Variants in KLHL22 observed in about 807,000 individuals in gnomAD.
KLHL22 encodes kelch-like protein 22.
KLHL22 carries 18 observed loss-of-function variants against 60.7 expected under a neutral mutation model. That is an observed-to-expected ratio of 0.30 (90% CI 0.20 to 0.44). The LOEUF is 0.44. Ranked by LOEUF, KLHL22 falls within the 20% of genes least tolerant of loss-of-function variation. The pLI, the probability that KLHL22 is intolerant of heterozygous loss-of-function variation, is 1.00. For synonymous variants in KLHL22, 355 were observed against 354.5 expected, an observed-to-expected ratio of 1.00 and a Z score of -0.01; for missense variants, 596 against 852.3, an observed-to-expected ratio of 0.70 and a Z score of 3.74.
chr22:20,446,221 C>A (rs538100776), intron 6 of KLHL22, among the ~76,000 whole-genome samples: 1 of 152,110 alleles, frequency 6.6e-6, no homozygotes, highest in East Asian at 1.9e-4. Flanking sequence ...ACACATCCAC[C>A]CCTCTGGAGC....
intron 4 of KLHL22, among the ~76,000 whole-genome samples, chr22:20,463,958 C>A (rs1176576220): frequency 2.0e-5 from 3 of 152,182 alleles, no homozygotes; most frequent in Non-Finnish European, 2.9e-5. Flanking sequence ...CAGTCAGCAT[C>A]TAGCTCATGG....
intron 5 of KLHL22, among the ~76,000 whole-genome samples, chr22:20,452,851 A>G (rs2053001365): frequency 6.6e-6 from 1 of 152,210 alleles, no homozygotes; most frequent in Non-Finnish European, 1.5e-5. Context: ...TTACTGCCCC[A>G]TTCTTTTAGA....
chr22:20,447,056 C>A (rs2146169306), intron 5 of KLHL22, among the ~76,000 whole-genome samples: 1 of 152,342 alleles, frequency 6.6e-6, no homozygotes, highest in East Asian at 1.9e-4. Flanking sequence ...CTCCACCCCT[C>A]CCCCACTCCC....
chr22:20,463,072 G>A (rs2053180500), intron 4 of KLHL22, among the ~76,000 whole-genome samples: 1 of 152,144 alleles, frequency 6.6e-6, no homozygotes, highest in Admixed American at 6.5e-5. Flanking sequence ...TTCAAATTAA[G>A]GATTCATCTG....
At chr22:20,494,932 G>T (rs2053746203) in intron 1 of KLHL22, among the ~76,000 whole-genome samples, 1 of 152,332 alleles carries the variant, frequency 6.6e-6, no homozygotes, top group African/African-American at 2.4e-5. Context: ...TCCCCTCAAA[G>T]AAACTCAATC....
chr22:20,475,556 T>C (rs930058649), intron 2 of KLHL22, among the ~76,000 whole-genome samples: 13 of 152,150 alleles, frequency 8.5e-5, no homozygotes, highest in African/African-American at 2.9e-4. Context: ...TCTTCCCTCC[T>C]TCCTCTAATT....
intron 2 of KLHL22, among the ~76,000 whole-genome samples, chr22:20,484,731 CTTT>C (rs10712145): frequency 1.2e-4 from 16 of 137,828 alleles, no homozygotes; most frequent in Admixed American, 1.5e-4. Flanking sequence ...TGTGCTCAGC[CTTT>C]TTTTTTTTTT....
chr22:20,494,778 T>C (rs2053743763), intron 1 of KLHL22, among the ~76,000 whole-genome samples: 1 of 152,184 alleles, frequency 6.6e-6, no homozygotes, highest in South Asian at 2.1e-4. Context: ...ATGTGCCACA[T>C]AGCTACAAAC....
At chr22:20,449,081 G>A (rs765494180) in intron 5 of KLHL22, among the ~76,000 whole-genome samples, 3 of 151,124 alleles carry the variant, frequency 2.0e-5, no homozygotes, top group Non-Finnish European at 4.4e-5. Flanking sequence ...TTTTTTTTGA[G>A]ACAGAGTCTT....
intron 2 of KLHL22, among the ~76,000 whole-genome samples, chr22:20,471,946 C>T (rs1032826446): frequency 6.6e-6 from 1 of 152,176 alleles, no homozygotes; most frequent in African/African-American, 2.4e-5. Context: ...TGCCAAGTAT[C>T]ATTCAAAGAG....
chr22:20,471,220 C>T (rs1220701298), intron 3 of KLHL22, 130 bp downstream of exon 3: 25 of 830,612 alleles, frequency 3.0e-5, no homozygotes, highest in Non-Finnish European at 3.9e-5. Context: ...TCATGGCCTT[C>T]GTCACTGCTT....
At chr22:20,486,838 C>T (rs553980431) in intron 2 of KLHL22, among the ~76,000 whole-genome samples, 7 of 152,114 alleles carry the variant, frequency 4.6e-5, no homozygotes, top group South Asian at 2.1e-4. Flanking sequence ...TGTGCTACCA[C>T]GCCCAGCTAA....
chr22:20,479,587 G>T (rs561436740), intron 2 of KLHL22, among the ~76,000 whole-genome samples: 2 of 151,678 alleles, frequency 1.3e-5, no homozygotes, highest in Admixed American at 6.6e-5. Flanking sequence ...CATGCCTATA[G>T]TCCCAGCTAC....
chr22:20,445,790 G>T (rs998975742), intron 6 of KLHL22, among the ~76,000 whole-genome samples: 2 of 151,918 alleles, frequency 1.3e-5, no homozygotes, highest in African/African-American at 4.8e-5. Flanking sequence ...TTGAGACAAG[G>T]CCTGGCTCTG....
At chr22:20,448,434 T>C (rs1424141262) in intron 5 of KLHL22, among the ~76,000 whole-genome samples, 2 of 152,260 alleles carry the variant, frequency 1.3e-5, no homozygotes, top group African/African-American at 2.4e-5. Context: ...TGGTTCCTTT[T>C]CTATTGCTCA....
intron 2 of KLHL22, among the ~76,000 whole-genome samples, chr22:20,472,078 C>T (rs530689881): frequency 6.6e-6 from 1 of 151,782 alleles, no homozygotes; most frequent in Non-Finnish European, 1.5e-5. Flanking sequence ...GAAACCGCGT[C>T]TCTACTAAAA....
intron 3 of KLHL22, among the ~76,000 whole-genome samples, chr22:20,469,694 C>T (rs1179991103): frequency 6.6e-6 from 1 of 152,098 alleles, no homozygotes; most frequent in Non-Finnish European, 1.5e-5. Context: ...GAGAACAGGG[C>T]ACAGGGAGGC....
At chr22:20,483,812 C>T (rs768415317) in intron 2 of KLHL22, 4 of 742,708 alleles carry the variant, frequency 5.4e-6, no homozygotes, top group Middle Eastern at 3.0e-4. Context: ...CCAGGCTCCT[C>T]GCTCTGTCCA....
At chr22:20,483,838 G>T in intron 2 of KLHL22, 1 of 732,532 alleles carries the variant, frequency 1.4e-6, no homozygotes, top group South Asian at 1.4e-5. Flanking sequence ...GAGGCCAGGC[G>T]GTCATTCAGG....
Sources: allele counts gnomAD v4.1 joint callset (sites outside exome capture counted in the v4.1 genomes callset), GRCh38; gene constraint gnomAD v4.1.1; transcripts MANE v1.5; gene names NCBI Gene and HGNC (gene_info 2026-07-23, HGNC 2026-07-21).